KCNIP4: variants seen among roughly 807,000 people sequenced by gnomAD.
KCNIP4 encodes potassium voltage-gated channel interacting protein 4.
KCNIP4 carries 12 observed loss-of-function variants against 34.0 expected under a neutral mutation model. That is an observed-to-expected ratio of 0.35 (90% CI 0.23 to 0.57). The LOEUF (loss-of-function observed/expected upper bound fraction) is 0.57. Among genes scored for constraint, KCNIP4 ranks in the 20% least tolerant of loss-of-function variants. KCNIP4 has a pLI of 0.83. For missense variants in KCNIP4, 238 were observed against 311.7 expected, an observed-to-expected ratio of 0.76 and a Z score of 1.78; for synonymous variants, 124 against 102.2, an observed-to-expected ratio of 1.21 and a Z score of -1.29.
chr4:20,891,958 G>A (rs1264944144), intron 1 of KCNIP4, among the ~76,000 whole-genome samples: 1 of 152,118 alleles, frequency 6.6e-6, no homozygotes, highest in Non-Finnish European at 1.5e-5. Context: ...CATTCCTGAA[G>A]ATACTAGGCC....
chr4:21,771,009 C>A (rs1471235353), intron 1 of KCNIP4, among the ~76,000 whole-genome samples: 1 of 152,116 alleles, frequency 6.6e-6, no homozygotes, highest in African/African-American at 2.4e-5. Context: ...TGCATGAAGT[C>A]TTTGCCCATG....
At chr4:21,467,676 A>G (rs1268683074) in intron 1 of KCNIP4, among the ~76,000 whole-genome samples, 1 of 152,162 alleles carries the variant, frequency 6.6e-6, no homozygotes, top group Admixed American at 6.5e-5. Flanking sequence ...GATTTTAATG[A>G]TCCCAGAGTC....
intron 1 of KCNIP4, among the ~76,000 whole-genome samples, chr4:21,392,497 T>C (rs1722650154): frequency 6.6e-6 from 1 of 152,210 alleles, no homozygotes; most frequent in South Asian, 2.1e-4. Context: ...TCCTGAGCAC[T>C]CACAAGCTAT....
At chr4:20,751,045 G>C (rs1228996604) in intron 4 of KCNIP4, among the ~76,000 whole-genome samples, 3 of 152,144 alleles carry the variant, frequency 2.0e-5, no homozygotes, top group Non-Finnish European at 2.9e-5. Flanking sequence ...CTCCTTACAG[G>C]TTGTTTTTCC....
chr4:21,006,350 T>A (rs1458731115), intron 1 of KCNIP4, among the ~76,000 whole-genome samples: 1 of 152,180 alleles, frequency 6.6e-6, no homozygotes, highest in Non-Finnish European at 1.5e-5. Context: ...GCTGTCCTCT[T>A]CCAAGAGGTA....
chr4:21,300,362 C>T (rs1028636078), intron 1 of KCNIP4, among the ~76,000 whole-genome samples: 5 of 152,056 alleles, frequency 3.3e-5, no homozygotes, highest in African/African-American at 1.2e-4. Flanking sequence ...CTCCTAAACT[C>T]CCCACTAAGT....
At chr4:21,013,132 A>G (rs28685017) in intron 1 of KCNIP4, among the ~76,000 whole-genome samples, 5,925 of 152,282 alleles carry the variant, frequency 0.039, 355 homozygotes, top group African/African-American at 0.13. Context: ...ACAGCAGGAA[A>G]GGGTCTAAAC....
intron 1 of KCNIP4, among the ~76,000 whole-genome samples, chr4:21,428,859 T>C (rs1473916098): frequency 2.0e-5 from 3 of 152,212 alleles, no homozygotes; most frequent in Non-Finnish European, 4.4e-5. Context: ...CACAACAAAA[T>C]GGAATGAAGA....
At chr4:21,672,487 C>A (rs1749582389) in intron 1 of KCNIP4, among the ~76,000 whole-genome samples, 1 of 152,130 alleles carries the variant, frequency 6.6e-6, no homozygotes, top group Admixed American at 6.5e-5. Flanking sequence ...GATATAATAA[C>A]CTTCTGATAG....
intron 1 of KCNIP4, among the ~76,000 whole-genome samples, chr4:21,473,094 C>A (rs56138000): frequency 1.3e-5 from 2 of 152,040 alleles, no homozygotes. Context: ...TGATTGGCAA[C>A]GTTTCGTTAG....
intron 1 of KCNIP4, among the ~76,000 whole-genome samples, chr4:21,132,684 A>G (rs1306215228): frequency 6.6e-6 from 1 of 152,082 alleles, no homozygotes; most frequent in African/African-American, 2.4e-5. Context: ...GTCCTTGTGT[A>G]GCAGATGCAG....
intron 2 of KCNIP4, among the ~76,000 whole-genome samples, chr4:20,854,757 C>T (rs1326956040): frequency 6.6e-6 from 1 of 152,064 alleles, no homozygotes; most frequent in African/African-American, 2.4e-5. Flanking sequence ...GGTAAAGTAA[C>T]CAGCAGCCAG....
In KCNIP4 at chr4:21,208,594, G is replaced by A. The variant is rs145301044; in HGVS notation, c.62-325885C>T. Among the ~76,000 whole-genome samples, 169 of 152,122 alleles carry A rather than the reference G, an allele frequency of 1.1e-3. 2 individuals carry two copies. The highest frequency in any genetic ancestry group is 6.2e-3 in the East Asian group (32 of 5,172). ...TGATTCTTATTTTTTTCTGGTCATTGACGGTCTTTTTTTCCCCTTCTGCTT... is the reference window on the plus strand; with the variant it reads ...TGATTCTTATTTTTTTCTGGTCATTAACGGTCTTTTTTTCCCCTTCTGCTT... On this transcript the variant is annotated intron_variant, in intron 1 of 8. Transcript: ENST00000382152.
intron 1 of KCNIP4, among the ~76,000 whole-genome samples, chr4:21,057,521 G>A (rs6448009): frequency 0.46 from 70,010 of 151,816 alleles, 17,069 homozygotes; most frequent in African/African-American, 0.64. Context: ...GAGTGAATAC[G>A]GACTTAAATT....
intron 3 of KCNIP4, among the ~76,000 whole-genome samples, chr4:20,764,285 T>C (rs376775353): frequency 4.6e-5 from 7 of 152,280 alleles, no homozygotes; most frequent in South Asian, 2.1e-4. Flanking sequence ...AAATAAAGTT[T>C]TAATAAGACA....
rs1322477662 is a variant in KCNIP4 at position 20,734,608 on chromosome 4, G to A, written c.537+20C>T. 9.5e-7 allele frequency: 1 copy of A among 1,056,988 alleles called. No homozygotes were observed. 65.5% of individuals were successfully genotyped at this position (1,056,988 alleles called of 1,614,324 possible). On this transcript the variant is annotated intron_variant, in intron 6 of 8. Transcript: ENST00000382152. Reference sequence around the variant, plus strand: ...TGAAAATGGTCCAAATTACTGTGATGTTGGTGAGGCATCCCTTACCTCTTT... The same window carrying A: ...TGAAAATGGTCCAAATTACTGTGATATTGGTGAGGCATCCCTTACCTCTTT...
chr4:20,912,158 A>G (rs1328068565), intron 1 of KCNIP4, among the ~76,000 whole-genome samples: 2 of 152,004 alleles, frequency 1.3e-5, no homozygotes, highest in African/African-American at 4.8e-5. Context: ...GACTAGAATT[A>G]CTCCTCTGCT....
intron 1 of KCNIP4, among the ~76,000 whole-genome samples, chr4:21,269,048 C>G (rs989934125): frequency 6.6e-6 from 1 of 152,150 alleles, no homozygotes; most frequent in Non-Finnish European, 1.5e-5. Flanking sequence ...TAAGCCAGAA[C>G]AGTGGAAGAG....
rs1449755164 is a variant in KCNIP4, at chr4:21,840,944, TTAAAC to T, written c.61+107622_61+107626del. Among the ~76,000 whole-genome samples, 4 of 152,314 alleles carry T rather than the reference TTAAAC, an allele frequency of 2.6e-5. No homozygotes were observed. The East Asian group carries it at 5.8e-4, about 22-fold the overall frequency. On this transcript the variant is annotated intron_variant, in intron 1 of 8. Coordinates refer to ENST00000382152, the MANE Select transcript of KCNIP4 (RefSeq NM_025221.6). The stretch of plus-strand genomic sequence containing the variant: ...CCAGTTTCTATTGCTGACAACCAAA[TTAAAC>T]TAACTTATATCATGGGGATATTTTC...
Sources: gnomAD v4.1 joint callset for allele counts (sites outside exome capture counted in the v4.1 genomes callset) on GRCh38, gnomAD v4.1.1 for gene constraint, MANE v1.5 for transcripts, NCBI Gene and HGNC (gene_info 2026-07-23, HGNC 2026-07-21) for gene names.